The following SNX25 variants were observed in gnomAD, a reference collection of about 807,000 sequenced individuals.
SNX25 encodes the protein sorting nexin-25.
Under a neutral mutation model 113.7 loss-of-function variants are expected in SNX25, and 62 were observed. The ratio of observed to expected loss-of-function variants is 0.55; its 90% CI spans 0.44 to 0.67. The LOEUF (loss-of-function observed/expected upper bound fraction) is 0.67, where lower values mean the gene tolerates loss of function less well. Among genes scored for constraint, SNX25 ranks in the 30% least tolerant of loss-of-function variants. SNX25 has a pLI of 0.00. For synonymous variants in SNX25, 421 were observed against 436.2 expected (o/e 0.97, Z 0.43); for missense variants, 1,014 against 1,161.0 (o/e 0.87, Z 1.84).
chr4:185,233,597 A>G (rs1051187783), intron 1 of SNX25, among the ~76,000 whole-genome samples: 9 of 152,050 alleles, frequency 5.9e-5, no homozygotes, highest in African/African-American at 1.9e-4. Context: ...GCTTTTCTTC[A>G]TTCTTTTTTT....
chr4:185,215,428 C>T (rs1011156276), intron 1 of SNX25, among the ~76,000 whole-genome samples: 1 of 152,182 alleles, frequency 6.6e-6, no homozygotes, highest in Non-Finnish European at 1.5e-5. Flanking sequence ...TCTACTGCTC[C>T]AGTTCGCTTG....
intron 5 of SNX25, among the ~76,000 whole-genome samples, chr4:185,275,133 A>G (rs1749483824): frequency 6.6e-6 from 1 of 152,224 alleles, no homozygotes; most frequent in South Asian, 2.1e-4. Context: ...GCAGGTAGTG[A>G]TAAAGAAAAT....
chr4:185,377,137 T>TC, the SNX25 span: 1 of 746,416 alleles, frequency 1.3e-6, no homozygotes, highest in South Asian at 1.6e-5. Context: ...TAGTGCTCAT[T>TC]CCTACAACTG....
intron 1 of SNX25, among the ~76,000 whole-genome samples, chr4:185,227,490 T>C (rs58670155): frequency 6.6e-6 from 1 of 152,236 alleles, no homozygotes; most frequent in Non-Finnish European, 1.5e-5. Flanking sequence ...GGAAGGACTT[T>C]GCCTGCATTT....
chr4:185,288,399 A>T (rs1273802249), intron 6 of SNX25, among the ~76,000 whole-genome samples: 3 of 152,012 alleles, frequency 2.0e-5, no homozygotes, highest in African/African-American at 7.2e-5. Flanking sequence ...TTTTTTTCAC[A>T]TATTGAAATT....
chr4:185,325,176 C>T (rs192970640), intron 9 of SNX25, among the ~76,000 whole-genome samples: 83 of 152,266 alleles, frequency 5.5e-4, no homozygotes, highest in African/African-American at 1.9e-3. Context: ...ATTCCTCACC[C>T]AATGAGAGGC....
At position 185,210,286 on chromosome 4, in the gene SNX25, C is replaced by T. The variant is rs1261717426; in HGVS notation, c.429+31C>T. The T allele has an allele frequency of 1.0e-6, 1 of 984,592 alleles. No individual in the cohort carries two copies. The highest frequency in any genetic ancestry group is 1.8e-5 in the African/African-American group (1 of 57,134). The allele number at this position is 984,592 out of a possible 1,614,324, so 61.0% of individuals were successfully genotyped here. On this transcript the variant is annotated intron_variant, in intron 1 of 18. Transcript: ENST00000652585. The surrounding 1 kb of genome is among the most constrained non-coding windows in gnomAD (Gnocchi z 4.4). Reference sequence around the variant, plus strand: ...TACCCGACTCCTGGCCGCCCAGCTCCGCCGGCCCTCCCCGCTTCCGGTGCC... The same window carrying T: ...TACCCGACTCCTGGCCGCCCAGCTCTGCCGGCCCTCCCCGCTTCCGGTGCC...
At position 185,234,410 on chromosome 4, in the gene SNX25, C is replaced by T. The variant is rs1479264644; in HGVS notation, c.430-12884C>T. Among the ~76,000 whole-genome samples the T allele has an allele frequency of 2.6e-4, 5 of 19,086 alleles. 1 individual carries two copies. Among genetic ancestry groups the T allele is most frequent in the Non-Finnish European group, 5.5e-4 (4 of 7,240 alleles). 12.5% of individuals were successfully genotyped at this position (19,086 alleles called of 152,430 possible). A position where few individuals can be genotyped will look rare whatever the true frequency, so the allele number is the denominator to read the frequency against. ...TTAAAAAGTTTAGGCTGGCCGGGCG[C>T]GGTGGCTCACGCCTGTAATCCCAGC... On this transcript the variant is annotated intron_variant, in intron 1 of 18. Transcript: ENST00000652585.
intron 5 of SNX25, 139 bp from the exon 6 acceptor site, chr4:185,287,873 C>T (rs892438717): frequency 5.8e-6 from 4 of 689,032 alleles, no homozygotes; most frequent in East Asian, 2.9e-5. Context: ...CGGTCTATGT[C>T]GGATTATTTT....
chr4:185,361,336 C>T (rs1411215260), intron 16 of SNX25, among the ~76,000 whole-genome samples: 1 of 152,194 alleles, frequency 6.6e-6, no homozygotes, highest in East Asian at 1.9e-4. Context: ...GCAGACAAAT[C>T]AGTCTCTCAG....
intron 2 of SNX25, 122 bp downstream of exon 2, chr4:185,247,500 T>G: frequency 5.2e-6 from 4 of 771,130 alleles, no homozygotes; most frequent in Non-Finnish European, 6.6e-6. Context: ...GAATTTTTTC[T>G]TCATGAGTTT....
intron 2 of SNX25, among the ~76,000 whole-genome samples, chr4:185,248,357 A>C (rs1047628348): frequency 1.3e-5 from 2 of 152,200 alleles, no homozygotes; most frequent in African/African-American, 4.8e-5. Flanking sequence ...CATAATCATG[A>C]TTTTTAGAGT....
chr4:185,239,324 A>C (rs1304240919), intron 1 of SNX25, among the ~76,000 whole-genome samples: 1 of 151,980 alleles, frequency 6.6e-6, no homozygotes, highest in Non-Finnish European at 1.5e-5. Context: ...TCTACTAAAA[A>C]TGCAAAAAAT....
intron 6 of SNX25, among the ~76,000 whole-genome samples, chr4:185,302,571 G>C (rs1364416705): frequency 6.6e-6 from 1 of 152,186 alleles, no homozygotes; most frequent in Non-Finnish European, 1.5e-5. Flanking sequence ...AAATGCAGTT[G>C]GAGTTGGGTT....
In SNX25 at chr4:185,241,852, G is replaced by C. The variant is rs1436583173; in HGVS notation, c.430-5442G>C. 6.6e-5 allele frequency among the ~76,000 whole-genome samples: 10 copies of C among 152,290 alleles called. No homozygotes were observed. In the East Asian group the frequency reaches 1.9e-3, roughly 29 times the overall value. ...TTGTCTTTACCTGAAGCCTATGCTA[G>C]CATAATAGAGTAAGTCTTTGGGGAA... On this transcript the variant is annotated intron_variant, in intron 1 of 18. Transcript: ENST00000652585.
Position 185,361,947 on chromosome 4 carries a change from G to A in SNX25, c.2675G>A (p.Trp892Ter). ...INKQIRDTVS[W>*]IFSEQMLVYY... ...AGACAAATCCGGGACACAGTCAGCTGGATTTTCAGTGAGCAAATGTTGGTT... is the reference window on the plus strand; with the variant it reads ...AGACAAATCCGGGACACAGTCAGCTAGATTTTCAGTGAGCAAATGTTGGTT... The change falls in exon 17 of 19, where the codon TGG becomes TAG. Residue 892 changes from tryptophan to a stop codon, truncating the protein, a stop_gained. Transcript: ENST00000652585. LOFTEE classifies it high-confidence loss of function. 1 of 1,614,014 alleles carries A rather than the reference G, an allele frequency of 6.2e-7. No homozygotes were observed. The highest frequency in any genetic ancestry group is 8.5e-7 in the Non-Finnish European group (1 of 1,179,970).
At chr4:185,321,086 A>G (rs1178300733) in intron 8 of SNX25, among the ~76,000 whole-genome samples, 1 of 152,150 alleles carries the variant, frequency 6.6e-6, no homozygotes, top group African/African-American at 2.4e-5. Context: ...GGTTTTATAA[A>G]TGTACCAAGA....
chr4:185,353,645 T>C, intron 15 of SNX25, 43 bp downstream of exon 15: 1 of 1,434,462 alleles, frequency 7.0e-7, no homozygotes, highest in Non-Finnish European at 9.8e-7. Context: ...GCTAGTTAAG[T>C]GGTATATATA....
At chr4:185,264,407 TCTTTC>T in intron 3 of SNX25, 26 bp from the exon 4 acceptor site, 1 of 1,598,904 alleles carries the variant, frequency 6.3e-7, no homozygotes, top group South Asian at 1.1e-5. Context: ...TCTAGAAACT[TCTTTC>T]CTTCTTTTTC....
Sources: allele counts gnomAD v4.1 joint callset (sites outside exome capture counted in the v4.1 genomes callset), GRCh38; gene constraint gnomAD v4.1.1; non-coding constraint Gnocchi (gnomAD v3.1); transcripts MANE v1.5; gene names NCBI Gene and HGNC (gene_info 2026-07-23, HGNC 2026-07-21).